Variants in CA10 observed in about 807,000 individuals in gnomAD.
The protein encoded by CA10 is carbonic anhydrase-related protein 10.
CA10 carries 14 observed loss-of-function variants against 44.2 expected under a neutral mutation model. The observed-to-expected ratio is 0.32, with a 90% CI of 0.21 to 0.50. The LOEUF (loss-of-function observed/expected upper bound fraction) is 0.50. Among genes scored for constraint, CA10 ranks in the 20% least tolerant of loss-of-function variants. The pLI, the probability that CA10 is intolerant of heterozygous loss-of-function variation, is 0.99. For synonymous variants in CA10, 159 were observed against 141.6 expected, an observed-to-expected ratio of 1.12 and a Z score of -0.87; for missense variants, 350 against 409.7, an observed-to-expected ratio of 0.85 and a Z score of 1.26.
At chr17:51,821,480 C>T (rs1052164230) in intron 3 of CA10, among the ~76,000 whole-genome samples, 12 of 152,074 alleles carry the variant, frequency 7.9e-5, no homozygotes, top group African/African-American at 1.2e-4. Context: ...GTCGTCTCCC[C>T]GCAGCTGCTC....
intron 2 of CA10, among the ~76,000 whole-genome samples, chr17:52,063,757 C>T (rs1336585354): frequency 6.6e-6 from 1 of 152,146 alleles, no homozygotes; most frequent in African/African-American, 2.4e-5. Context: ...CCTGTAGAAT[C>T]ATGAGCCAAA....
At chr17:51,892,495 G>A (rs2143912347) in intron 3 of CA10, among the ~76,000 whole-genome samples, 1 of 152,332 alleles carries the variant, frequency 6.6e-6, no homozygotes, top group East Asian at 1.9e-4. Context: ...TGCCAATGGT[G>A]TGATTTTGCA....
chr17:51,977,050 CTTAATT>C (rs148109810), intron 2 of CA10, among the ~76,000 whole-genome samples: 12,947 of 151,894 alleles, frequency 0.085, 553 homozygotes, highest in South Asian at 0.17. Context: ...ATTTTAGAAA[CTTAATT>C]TTAATTAAAT....
chr17:51,960,998 AG>A (rs1316717516), intron 2 of CA10, among the ~76,000 whole-genome samples: 3 of 152,210 alleles, frequency 2.0e-5, no homozygotes, highest in African/African-American at 7.2e-5. Context: ...AAAGGCGTTA[AG>A]AGCAGAACTG....
chr17:52,102,400 A>T (rs1872283657), intron 1 of CA10, among the ~76,000 whole-genome samples: 2 of 152,254 alleles, frequency 1.3e-5, no homozygotes, highest in African/African-American at 4.8e-5. Context: ...CCAGGCATGA[A>T]AAATTCTAGA....
chr17:51,717,847 A>ACGTGTATATATATG (rs1458228063), intron 4 of CA10, among the ~76,000 whole-genome samples: 1 of 83,066 alleles, frequency 1.2e-5, no homozygotes, highest in East Asian at 4.5e-4. Flanking sequence ...ATATATATAT[A>ACGTGTATATATATG]TATATATATA....
At chr17:51,968,194 G>A (rs866879934) in intron 2 of CA10, among the ~76,000 whole-genome samples, 1 of 151,696 alleles carries the variant, frequency 6.6e-6, no homozygotes, top group Non-Finnish European at 1.5e-5. Context: ...ACCCACCTAG[G>A]CCACAGCACA....
chr17:51,882,226 A>G (rs1980408788), intron 3 of CA10, among the ~76,000 whole-genome samples: 1 of 148,158 alleles, frequency 6.7e-6, no homozygotes. Flanking sequence ...AATATTTTAT[A>G]AAAGATAGCT....
chr17:52,126,871 C>A (rs895016777), intron 1 of CA10, among the ~76,000 whole-genome samples: 1 of 152,070 alleles, frequency 6.6e-6, no homozygotes, highest in Admixed American at 6.6e-5. Flanking sequence ...CTAAGCAATG[C>A]CTTTTCTATA....
intron 2 of CA10, among the ~76,000 whole-genome samples, chr17:52,048,114 C>G (rs1986964369): frequency 6.6e-6 from 1 of 151,574 alleles, no homozygotes; most frequent in Admixed American, 6.6e-5. Context: ...TGCTGAGAGC[C>G]AAACTGGGGG....
Position 51,827,931 on chromosome 17 carries a change from C to T in CA10, c.280-80113G>A, listed in dbSNP as rs188237585. 3.0e-3 allele frequency among the ~76,000 whole-genome samples: 450 copies of T among 152,214 alleles called. 2 individuals carry two copies. Among genetic ancestry groups the T allele is most frequent in the African/African-American group, 0.011 (438 of 41,544 alleles). On this transcript the variant is annotated intron_variant, in intron 3 of 8. Coordinates refer to ENST00000451037, the MANE Select transcript of CA10 (RefSeq NM_020178.5). ...CATAAAACTCTCCCCTTTTTGTTCT[C>T]TTCTCTCATATGCTGGCAGGATGTC...
chr17:51,825,253 G>A (rs1328081960), intron 3 of CA10, among the ~76,000 whole-genome samples: 2 of 152,072 alleles, frequency 1.3e-5, no homozygotes, highest in Admixed American at 6.5e-5. Context: ...GTATATTATC[G>A]AAAACTGTGT....
chr17:51,872,394 C>G (rs1171907129), intron 3 of CA10, among the ~76,000 whole-genome samples: 3 of 152,122 alleles, frequency 2.0e-5, no homozygotes, highest in Non-Finnish European at 4.4e-5. Flanking sequence ...GGCCAGAGAC[C>G]AAGCAAGTTC....
intron 3 of CA10, among the ~76,000 whole-genome samples, chr17:51,923,587 G>A (rs1204627734): frequency 6.6e-6 from 1 of 152,054 alleles, no homozygotes; most frequent in African/African-American, 2.4e-5. Flanking sequence ...AACATAAGAG[G>A]TTTCAGAACA....
chr17:51,984,393 A>G (rs960063831), intron 2 of CA10, among the ~76,000 whole-genome samples: 3 of 151,884 alleles, frequency 2.0e-5, no homozygotes, highest in Non-Finnish European at 4.4e-5. Flanking sequence ...CTAAATGCCT[A>G]CATTGAAAAG....
At chr17:51,930,291 A>G (rs1250092149) in intron 3 of CA10, among the ~76,000 whole-genome samples, 1 of 152,130 alleles carries the variant, frequency 6.6e-6, no homozygotes, top group African/African-American at 2.4e-5. Context: ...TTTACCTTTA[A>G]CAACCTACTC....
intron 5 of CA10, among the ~76,000 whole-genome samples, chr17:51,649,985 T>A (rs1049000966): frequency 6.6e-6 from 1 of 150,626 alleles, no homozygotes; most frequent in African/African-American, 2.5e-5. Flanking sequence ...AGCCAGCCAG[T>A]CAGCCAGCCA....
At chr17:51,963,843 A>C (rs1983982363) in intron 2 of CA10, among the ~76,000 whole-genome samples, 1 of 152,154 alleles carries the variant, frequency 6.6e-6, no homozygotes, top group African/African-American at 2.4e-5. Flanking sequence ...AGGCCCTATA[A>C]AGCAACCAAA....
chr17:51,729,392 CAGTG>C (rs887755328), intron 4 of CA10, among the ~76,000 whole-genome samples: 10 of 152,096 alleles, frequency 6.6e-5, no homozygotes, highest in Non-Finnish European at 1.2e-4. Context: ...AACAAACACA[CAGTG>C]AGTGAGTAGG....
Sources: gnomAD v4.1 joint callset for allele counts (sites outside exome capture counted in the v4.1 genomes callset) on GRCh38, gnomAD v4.1.1 for gene constraint, MANE v1.5 for transcripts, NCBI Gene and HGNC (gene_info 2026-07-23, HGNC 2026-07-21) for gene names.